Variants in EXOC6B observed in about 807,000 individuals in gnomAD.
EXOC6B encodes exocyst complex component 6B, also known as SEC15 homolog B.
In EXOC6B, 54 loss-of-function variants were observed where a neutral mutation model predicts 113.5. The ratio of observed to expected loss-of-function variants is 0.48; its 90% CI spans 0.38 to 0.60. The LOEUF is 0.60. Ranked by LOEUF, EXOC6B falls within the 20% of genes least tolerant of loss-of-function variation. The probability of loss-of-function intolerance (pLI) is 0.00; values close to 1 mark genes in which losing one functional copy is unlikely to be tolerated. For synonymous variants in EXOC6B, 357 were observed against 339.0 expected (o/e 1.05, Z -0.58); for missense variants, 797 against 977.5 (o/e 0.82, Z 2.46).
At chr2:72,817,698 T>G (rs1201708287) in intron 1 of EXOC6B, among the ~76,000 whole-genome samples, 2 of 152,224 alleles carry the variant, frequency 1.3e-5, no homozygotes, top group African/African-American at 4.8e-5. Context: ...TCCCAATAAT[T>G]GGCATCACCA....
intron 20 of EXOC6B, among the ~76,000 whole-genome samples, chr2:72,317,051 C>T (rs1334172123): frequency 2.0e-5 from 3 of 152,000 alleles, no homozygotes; most frequent in Non-Finnish European, 4.4e-5. Flanking sequence ...GAAAGATTAG[C>T]TGGAACCAGA....
At chr2:72,238,067 T>C (rs895016496) in intron 20 of EXOC6B, among the ~76,000 whole-genome samples, 1 of 152,174 alleles carries the variant, frequency 6.6e-6, no homozygotes, top group Non-Finnish European at 1.5e-5. Context: ...TTTCAGTCAC[T>C]CTTCATTCCC....
At chr2:72,785,082 A>AG (rs1253081706) in intron 1 of EXOC6B, among the ~76,000 whole-genome samples, 1 of 152,220 alleles carries the variant, frequency 6.6e-6, no homozygotes, top group Non-Finnish European at 1.5e-5. Flanking sequence ...TCCAAAATCC[A>AG]GGGGGCAGTC....
intron 20 of EXOC6B, among the ~76,000 whole-genome samples, chr2:72,264,838 T>G (rs757181214): frequency 1.3e-5 from 2 of 152,104 alleles, no homozygotes; most frequent in African/African-American, 4.8e-5. Flanking sequence ...CTTTCCTCTA[T>G]GATCATAAAT....
chr2:72,184,487 GATA>G (rs1481940896), intron 20 of EXOC6B, among the ~76,000 whole-genome samples: 1 of 152,084 alleles, frequency 6.6e-6, no homozygotes, highest in Non-Finnish European at 1.5e-5. Flanking sequence ...AATCAAATAT[GATA>G]ATAATATCAT....
intron 18 of EXOC6B, among the ~76,000 whole-genome samples, chr2:72,400,940 G>C (rs1693104071): frequency 6.6e-6 from 1 of 151,864 alleles, no homozygotes; most frequent in Non-Finnish European, 1.5e-5. Flanking sequence ...CCACTACTGG[G>C]TATCTACTCA....
At chr2:72,533,785 T>C (rs1032978623) in intron 8 of EXOC6B, among the ~76,000 whole-genome samples, 5 of 152,180 alleles carry the variant, frequency 3.3e-5, no homozygotes, top group African/African-American at 9.7e-5. Flanking sequence ...ATAATGCCAA[T>C]GTATTTATTT....
chr2:72,788,791 A>G (rs992021283), intron 1 of EXOC6B, among the ~76,000 whole-genome samples: 1 of 152,220 alleles, frequency 6.6e-6, no homozygotes, highest in African/African-American at 2.4e-5. Context: ...AGAGCCTCAA[A>G]AAAGGGGGGC....
intron 18 of EXOC6B, among the ~76,000 whole-genome samples, chr2:72,426,617 A>T (rs1267197914): frequency 2.0e-5 from 3 of 152,156 alleles, no homozygotes; most frequent in Non-Finnish European, 2.9e-5. Context: ...TAGAACTGGG[A>T]TAAGAAAAAT....
intron 18 of EXOC6B, among the ~76,000 whole-genome samples, chr2:72,433,781 G>A (rs1307852641): frequency 6.6e-6 from 1 of 152,164 alleles, no homozygotes; most frequent in Non-Finnish European, 1.5e-5. Context: ...TGTTGAAGTT[G>A]CTTAACAGCT....
chr2:72,539,771 T>TGC (rs1431304695), intron 8 of EXOC6B, among the ~76,000 whole-genome samples: 8 of 152,016 alleles, frequency 5.3e-5, no homozygotes, highest in Admixed American at 3.3e-4. Flanking sequence ...CGCGTGTGTG[T>TGC]AGTCTGCATA....
At chr2:72,275,386 ATTAC>A (rs1684753053) in intron 20 of EXOC6B, among the ~76,000 whole-genome samples, 3 of 152,272 alleles carry the variant, frequency 2.0e-5, no homozygotes, top group Admixed American at 2.0e-4. Context: ...ACAGCTGGTA[ATTAC>A]AAAGTTTCCC....
chr2:72,321,690 A>T (rs948622578), intron 20 of EXOC6B, among the ~76,000 whole-genome samples: 1 of 152,212 alleles, frequency 6.6e-6, no homozygotes, highest in Admixed American at 6.5e-5. Context: ...ACAAAACCAT[A>T]TAGTGCCAGA....
chr2:72,641,939 C>A (rs980854158), intron 6 of EXOC6B, among the ~76,000 whole-genome samples: 1 of 152,162 alleles, frequency 6.6e-6, no homozygotes, highest in African/African-American at 2.4e-5. Flanking sequence ...GATACCCAGG[C>A]AAAAAGGGTC....
intron 6 of EXOC6B, among the ~76,000 whole-genome samples, chr2:72,638,492 G>A (rs1248560425): frequency 6.6e-6 from 1 of 152,072 alleles, no homozygotes; most frequent in East Asian, 1.9e-4. Flanking sequence ...AGTGAACAGA[G>A]GGAAAGACAC....
At chr2:72,380,260 A>T (rs965969363) in intron 18 of EXOC6B, among the ~76,000 whole-genome samples, 1 of 152,224 alleles carries the variant, frequency 6.6e-6, no homozygotes, top group Non-Finnish European at 1.5e-5. Context: ...CAAATTAAAA[A>T]ATTCTTAAAA....
In EXOC6B at chr2:72,642,851, T is replaced by G. The variant is rs1236142245; in HGVS notation, c.670-67183A>C. Reference sequence around the variant, plus strand: ...CAACCTACAAAATGGGAGAAAATTTTCACAACCTACTCATCTGACAAAGGG... The same window carrying G: ...CAACCTACAAAATGGGAGAAAATTTGCACAACCTACTCATCTGACAAAGGG... On this transcript the variant is annotated intron_variant, in intron 6 of 21. Coordinates refer to ENST00000272427, the MANE Select transcript of EXOC6B (RefSeq NM_015189.3). 9.3e-5 allele frequency among the ~76,000 whole-genome samples: 14 copies of G among 150,934 alleles called. 1 individual carries two copies. Among genetic ancestry groups the G allele is most frequent in the African/African-American group, 2.7e-4 (11 of 40,846 alleles).
At chr2:72,706,859 CT>C (rs1678914352) in intron 6 of EXOC6B, among the ~76,000 whole-genome samples, 2 of 152,160 alleles carry the variant, frequency 1.3e-5, no homozygotes, top group Admixed American at 1.3e-4. Flanking sequence ...ACTTCCAAGG[CT>C]AGGTCAAATA....
At chr2:72,311,416 T>A (rs1558545729) in intron 20 of EXOC6B, among the ~76,000 whole-genome samples, 3 of 152,178 alleles carry the variant, frequency 2.0e-5, no homozygotes, top group East Asian at 3.9e-4. Flanking sequence ...ACTCTTTGGG[T>A]CATGGCCTCC....
Sources: allele counts gnomAD v4.1 joint callset (sites outside exome capture counted in the v4.1 genomes callset), GRCh38; gene constraint gnomAD v4.1.1; transcripts MANE v1.5; gene names NCBI Gene and HGNC (gene_info 2026-07-23, HGNC 2026-07-21).